Variants in PTPRG observed in about 807,000 individuals in gnomAD.
The protein encoded by PTPRG is receptor-type tyrosine-protein phosphatase gamma.
Under a neutral mutation model 165.3 loss-of-function variants are expected in PTPRG, and 102 were observed. The ratio of observed to expected loss-of-function variants is 0.62; its 90% CI spans 0.53 to 0.73. PTPRG has a LOEUF of 0.73. PTPRG is among the 30% of genes least tolerant of loss of function. PTPRG has a pLI of 0.00. For synonymous variants in PTPRG, 675 were observed against 669.5 expected, an observed-to-expected ratio of 1.01 and a Z score of -0.13; for missense variants, 1,866 against 1,861.4, an observed-to-expected ratio of 1.00 and a Z score of -0.05.
At chr3:62,201,896 C>T (rs1045838749) in intron 11 of PTPRG, among the ~76,000 whole-genome samples, 11 of 151,996 alleles carry the variant, frequency 7.2e-5, no homozygotes, top group Admixed American at 2.0e-4. Flanking sequence ...TTGTCATTTG[C>T]GTAAAGTTAT....
At chr3:62,218,049 A>G (rs1015082426) in intron 12 of PTPRG, among the ~76,000 whole-genome samples, 46 of 152,134 alleles carry the variant, frequency 3.0e-4, no homozygotes, top group African/African-American at 1.1e-3. Flanking sequence ...GATAGGATCA[A>G]AGGACAAACT....
intron 1 of PTPRG, among the ~76,000 whole-genome samples, chr3:61,745,050 A>ATTT (rs2033143265): frequency 4.6e-5 from 2 of 43,090 alleles, no homozygotes; most frequent in African/African-American, 7.4e-5. Context: ...TCATTCCCTC[A>ATTT]CTTTTTTTTT....
At position 62,179,336 on chromosome 3, in the gene PTPRG, G is replaced by A. The variant is rs772392947; in HGVS notation, c.1033+11173G>A. 1.7e-4 allele frequency among the ~76,000 whole-genome samples: 26 copies of A among 152,336 alleles called. 1 individual carries two copies. In the Middle Eastern group the frequency reaches 0.01, roughly 60 times the overall value. On this transcript the variant is annotated intron_variant, in intron 8 of 29. Transcript: ENST00000474889. Reference sequence around the variant, plus strand: ...CTGGGCAACTCTCTTGACTGGTTTTGTGATTCCTAAGCACTGGCTGGGACC... The same window carrying A: ...CTGGGCAACTCTCTTGACTGGTTTTATGATTCCTAAGCACTGGCTGGGACC...
intron 2 of PTPRG, among the ~76,000 whole-genome samples, chr3:61,949,298 G>A (rs2039839912): frequency 6.6e-6 from 1 of 152,202 alleles, no homozygotes; most frequent in Admixed American, 6.5e-5. Context: ...TTTTCTTGTT[G>A]ATGGTAGCGT....
intron 2 of PTPRG, among the ~76,000 whole-genome samples, chr3:61,896,338 T>A (rs939357967): frequency 1.2e-4 from 18 of 152,380 alleles, no homozygotes; most frequent in Admixed American, 1.0e-3. Flanking sequence ...TGCTTTTCTT[T>A]CACTTGGAAT....
intron 1 of PTPRG, among the ~76,000 whole-genome samples, chr3:61,625,658 C>T (rs1221910369): frequency 2.0e-5 from 3 of 152,092 alleles, no homozygotes; most frequent in Non-Finnish European, 2.9e-5. Flanking sequence ...ATGTTTGCTG[C>T]TCTCGATGAA....
At chr3:62,148,355 T>G (rs1576063879) in intron 6 of PTPRG, among the ~76,000 whole-genome samples, 1 of 152,118 alleles carries the variant, frequency 6.6e-6, no homozygotes, top group African/African-American at 2.4e-5. Flanking sequence ...GGTAGACAGG[T>G]CATGTCGGGC....
intron 2 of PTPRG, among the ~76,000 whole-genome samples, chr3:61,780,679 G>A (rs1431829070): frequency 3.9e-5 from 6 of 152,138 alleles, no homozygotes; most frequent in Non-Finnish European, 2.9e-5. Context: ...GTGATATTGT[G>A]AACTTAGCCA....
chr3:62,127,627 C>T (rs1703346302), intron 5 of PTPRG, among the ~76,000 whole-genome samples: 1 of 152,140 alleles, frequency 6.6e-6, no homozygotes, highest in Admixed American at 6.5e-5. Context: ...GTTTATGGAA[C>T]TAAAGGAGCA....
chr3:61,655,111 G>A (rs1702474074), intron 1 of PTPRG, among the ~76,000 whole-genome samples: 1 of 152,102 alleles, frequency 6.6e-6, no homozygotes, highest in Non-Finnish European at 1.5e-5. Flanking sequence ...AGCTTATTGA[G>A]GTGTGCGGCA....
chr3:61,748,322 ACTGGGTGAC>A (rs2033292580), intron 1 of PTPRG, among the ~76,000 whole-genome samples: 1 of 152,170 alleles, frequency 6.6e-6, no homozygotes, highest in South Asian at 2.1e-4. Flanking sequence ...CTGCATACCT[ACTGGGTGAC>A]CTGGGGCCAG....
intron 26 of PTPRG, among the ~76,000 whole-genome samples, chr3:62,280,561 T>TA (rs1702395895): frequency 6.6e-6 from 1 of 151,976 alleles, no homozygotes; most frequent in African/African-American, 2.4e-5. Context: ...AATCAAAAGA[T>TA]ACCAAATGTT....
chr3:61,631,005 A>G lies in PTPRG; in HGVS notation c.85+68633A>G, dbSNP rs1322526921. On this transcript the variant is annotated intron_variant, in intron 1 of 29. Transcript: ENST00000474889. ...CGGGAGGTGGAGGTTACAGTGAGCCAAGATTGTGCGACTGCACTCCAGCCT... is the reference window on the plus strand; with the variant it reads ...CGGGAGGTGGAGGTTACAGTGAGCCGAGATTGTGCGACTGCACTCCAGCCT... 3.3e-5 allele frequency among the ~76,000 whole-genome samples: 5 copies of G among 152,238 alleles called. No individual in the cohort carries two copies. In the East Asian group the frequency reaches 7.7e-4, roughly 24 times the overall value.
chr3:62,165,907 T>C (rs4507247), intron 7 of PTPRG, among the ~76,000 whole-genome samples: 12,942 of 152,204 alleles, frequency 0.085, 750 homozygotes, highest in Non-Finnish European at 0.12. Context: ...GGGGGTTAGT[T>C]CCAGGGTTCA....
At chr3:62,258,364 C>T (rs187047849) in intron 16 of PTPRG, among the ~76,000 whole-genome samples, 1 of 152,266 alleles carries the variant, frequency 6.6e-6, no homozygotes, top group East Asian at 1.9e-4. Context: ...GAGTCCTTGC[C>T]CTCAAAGAGT....
At chr3:61,992,215 T>TATGCA (rs1380381805) in intron 3 of PTPRG, among the ~76,000 whole-genome samples, 1 of 151,898 alleles carries the variant, frequency 6.6e-6, no homozygotes, top group African/African-American at 2.4e-5. Flanking sequence ...CAACCAGTTA[T>TATGCA]ATGCAATTTG....
rs1031354882 is a variant in PTPRG, at chr3:61,580,454, C to T, written c.85+18082C>T. ...GGAATGTAGTGGCGTGATCTCAGCT[C>T]ACTGCAACCTCTGCCTCCCAGGTTC... On this transcript the variant is annotated intron_variant, in intron 1 of 29. Coordinates refer to ENST00000474889, the MANE Select transcript of PTPRG (RefSeq NM_002841.4). 8.1e-5 allele frequency among the ~76,000 whole-genome samples: 12 copies of T among 148,236 alleles called. No homozygotes were observed. In the Admixed American group the frequency reaches 8.1e-4, roughly 10 times the overall value.
intron 6 of PTPRG, among the ~76,000 whole-genome samples, chr3:62,142,491 G>T (rs1251839849): frequency 6.6e-6 from 1 of 152,078 alleles, no homozygotes; most frequent in Admixed American, 6.6e-5. Flanking sequence ...TTCTGCATGG[G>T]TGTTATATTT....
intron 2 of PTPRG, among the ~76,000 whole-genome samples, chr3:61,971,167 C>G (rs1314952358): frequency 6.6e-6 from 1 of 152,174 alleles, no homozygotes; most frequent in African/African-American, 2.4e-5. Flanking sequence ...ATTCTCCTAC[C>G]TCAGCCTCCT....
Sources: gnomAD v4.1 joint callset for allele counts (sites outside exome capture counted in the v4.1 genomes callset) on GRCh38, gnomAD v4.1.1 for gene constraint, MANE v1.5 for transcripts, NCBI Gene and HGNC (gene_info 2026-07-23, HGNC 2026-07-21) for gene names.